The following BAG3 variants were observed in gnomAD, a reference collection of about 807,000 sequenced individuals.
BAG3 encodes BAG family molecular chaperone regulator 3.
A neutral mutation model predicts 40.5 loss-of-function variants in BAG3; 14 were observed. The ratio of observed to expected loss-of-function variants is 0.35; its 90% confidence interval spans 0.23 to 0.54. The LOEUF is 0.54. Among genes scored for constraint, BAG3 ranks in the 20% least tolerant of loss-of-function variants. The pLI, the probability that BAG3 is intolerant of heterozygous loss-of-function variation, is 0.91. For missense variants in BAG3, 788 were observed against 758.6 expected (o/e 1.04, Z -0.46); for synonymous variants, 302 against 307.8 (o/e 0.98, Z 0.20).
chr10:119,672,737 C>G lies in BAG3; in HGVS notation c.909+81C>G. Reference sequence around the variant, plus strand: ...AGGAGCTCTGTGGGTGCCCTGGGTTCCCCCTTCATCCCTGCCTATTTAACA... The same window carrying G: ...AGGAGCTCTGTGGGTGCCCTGGGTTGCCCCTTCATCCCTGCCTATTTAACA... On this transcript the variant is annotated intron_variant, in intron 3 of 3. Transcript: ENST00000369085. This position sits in a 1 kb window ranked among gnomAD's most constrained non-coding sequence, Gnocchi z 4.8. 6.3e-7 allele frequency: 1 copy of G among 1,578,168 alleles called. No individual in the cohort carries two copies. Among genetic ancestry groups the G allele is most frequent in the Non-Finnish European group, 8.6e-7 (1 of 1,161,660 alleles).
At position 119,674,225 on chromosome 10, in the gene BAG3, G is replaced by A. The variant is rs570068362; in HGVS notation, c.909+1569G>A. Among the ~76,000 whole-genome samples, 3 of 152,332 alleles carry A rather than the reference G, an allele frequency of 2.0e-5. No individual in the cohort carries two copies. The South Asian group carries it at 6.2e-4, about 32-fold the overall frequency. On this transcript the variant is annotated intron_variant, in intron 3 of 3. Transcript: ENST00000369085. ...CAGCCATTGCTGTTAGAACCTAGGA[G>A]GGGTGCGTGGTTGGGTTGTGAGTGG...
chr10:119,674,247 G>A (rs951753690), intron 3 of BAG3, among the ~76,000 whole-genome samples: 2 of 152,226 alleles, frequency 1.3e-5, no homozygotes, highest in Non-Finnish European at 2.9e-5. Context: ...TGGGTTGTGA[G>A]TGGTAAGGGC....
At chr10:119,675,898 TTCCC>T (rs1295460283) in intron 3 of BAG3, among the ~76,000 whole-genome samples, 1 of 20,792 alleles carries the variant, frequency 4.8e-5, no homozygotes, top group South Asian at 3.1e-3. Context: ...CCTTCCTTCC[TTCCC>T]CCCTTCCTTC....
At chr10:119,653,907 C>T (rs1482019101) in intron 1 of BAG3, among the ~76,000 whole-genome samples, 1 of 152,080 alleles carries the variant, frequency 6.6e-6, no homozygotes, top group African/African-American at 2.4e-5. Flanking sequence ...ATTTTTGTGC[C>T]CTCCTGGCCA....
rs1236458643 is a variant in BAG3, at chr10:119,677,357, C to CTT, written c.*77_*78dup. ...TTTTAAGTTGCATGCATTTCAGAGA[C>CTT]TTTAAGTCAGTTGGTTTTTATTAGC... On this transcript the variant is annotated 3_prime_UTR_variant, in exon 4 of 4. Coordinates refer to ENST00000369085, the MANE Select transcript of BAG3 (RefSeq NM_004281.4). The CTT allele has an allele frequency of 1.1e-5, 17 of 1,583,742 alleles. No individual in the cohort carries two copies. The highest frequency in any genetic ancestry group is 1.5e-5 in the Non-Finnish European group (17 of 1,160,000).
chr10:119,657,007 G>A lies in BAG3; in HGVS notation c.180+5152G>A, dbSNP rs567331545. Reference sequence around the variant, plus strand: ...GGTGACAGACAGACTTGCCTTTAGCGGGCCTGGCTGCTTTATACTCCCCAG... The same window carrying A: ...GGTGACAGACAGACTTGCCTTTAGCAGGCCTGGCTGCTTTATACTCCCCAG... On this transcript the variant is annotated intron_variant, in intron 1 of 3. Transcript: ENST00000369085. Among the ~76,000 whole-genome samples, 10 of 152,136 alleles carry A rather than the reference G, an allele frequency of 6.6e-5. No homozygotes were observed. In the South Asian group the frequency reaches 1.9e-3, roughly 28 times the overall value.
At chr10:119,670,508 T>C (rs1387865368) in intron 2 of BAG3, among the ~76,000 whole-genome samples, 1 of 152,246 alleles carries the variant, frequency 6.6e-6, no homozygotes, top group Non-Finnish European at 1.5e-5. Context: ...ACCGGAAGCC[T>C]GGCCTGCCTT....
chr10:119,653,601 C>T (rs1483899173), intron 1 of BAG3, among the ~76,000 whole-genome samples: 1 of 152,208 alleles, frequency 6.6e-6, no homozygotes, highest in East Asian at 1.9e-4. Flanking sequence ...TACCATTATT[C>T]TTGTCAGCAA....
chr10:119,655,483 G>A (rs1463093166), intron 1 of BAG3, among the ~76,000 whole-genome samples: 1 of 152,208 alleles, frequency 6.6e-6, no homozygotes. Context: ...TTGAAGTAGA[G>A]AGACCCATTT....
intron 1 of BAG3, among the ~76,000 whole-genome samples, chr10:119,658,445 A>G (rs196343): frequency 0.75 from 114,670 of 152,158 alleles, 43,514 homozygotes; most frequent in Non-Finnish European, 0.78. Flanking sequence ...ACTCTCGTGT[A>G]CCCTGCCTGG....
intron 3 of BAG3, among the ~76,000 whole-genome samples, chr10:119,673,114 C>T (rs1370302844): frequency 2.6e-5 from 4 of 152,112 alleles, no homozygotes; most frequent in South Asian, 2.1e-4. Context: ...ATGCTGAACC[C>T]GCTCCCTGAA....
At chr10:119,662,515 T>C (rs996574010) in intron 1 of BAG3, among the ~76,000 whole-genome samples, 5 of 152,060 alleles carry the variant, frequency 3.3e-5, no homozygotes, top group Non-Finnish European at 7.4e-5. Flanking sequence ...GTTTTAGAAG[T>C]TTTGAAGTGT....
chr10:119,667,136 C>T (rs1847078681), intron 1 of BAG3, among the ~76,000 whole-genome samples: 1 of 152,118 alleles, frequency 6.6e-6, no homozygotes, highest in South Asian at 2.1e-4. Context: ...CCCACCATGC[C>T]CAGCTAATCT....
Position 119,651,738 on chromosome 10 carries a change from T to C in BAG3, c.63T>C (p.Pro21=). The change falls in exon 1 of 4, where the codon CCT becomes CCC. Residue 21 remains proline (P), a synonymous_variant. Coordinates refer to ENST00000369085, the MANE Select transcript of BAG3 (RefSeq NM_004281.4). ...QVASGNGDRD[P]LPPGWEIKID... is the part of the protein sequence containing the mutation. ...CGTCCGGCAACGGTGACCGCGACCC[T>C]TTGCCCCCCGGATGGGAGATCAAGA... 6.3e-7 allele frequency: 1 copy of C among 1,599,040 alleles called. No individual in the cohort carries two copies. The highest frequency in any genetic ancestry group is 2.3e-5 in the East Asian group (1 of 43,642).
At chr10:119,665,093 TGTGTGTG>T (rs1292247445) in intron 1 of BAG3, among the ~76,000 whole-genome samples, 10 of 15,186 alleles carry the variant, frequency 6.6e-4, no homozygotes, top group Admixed American at 4.7e-3. Context: ...AATTTTTGTT[TGTGTGTG>T]TGTGTGTGTG....
At chr10:119,658,085 C>G (rs1174511486) in intron 1 of BAG3, among the ~76,000 whole-genome samples, 3 of 152,242 alleles carry the variant, frequency 2.0e-5, no homozygotes, top group Non-Finnish European at 4.4e-5. Flanking sequence ...AATTGGAGAA[C>G]AAACGTTTGC....
chr10:119,667,385 T>C (rs1410025327), intron 1 of BAG3, among the ~76,000 whole-genome samples: 1 of 152,206 alleles, frequency 6.6e-6, no homozygotes, highest in Non-Finnish European at 1.5e-5. Flanking sequence ...GCATCCCTCT[T>C]GATATGCCCT....
rs1285168116 is a variant in BAG3, at chr10:119,677,666, C to T, written c.*384C>T. On this transcript the variant is annotated 3_prime_UTR_variant, in exon 4 of 4. Transcript: ENST00000369085. ...TATGAAACATTTATCAGAAATGTTG[C>T]CATTTTAATGAGATGATTTTCTTCA... The T allele has an allele frequency of 3.8e-6, 1 of 259,884 alleles. No individual in the cohort carries two copies. Among genetic ancestry groups the T allele is most frequent in the East Asian group, 8.4e-5 (1 of 11,878 alleles). 16.1% of individuals were successfully genotyped at this position (259,884 alleles called of 1,614,324 possible).
At chr10:119,661,123 G>C (rs1400135602) in intron 1 of BAG3, among the ~76,000 whole-genome samples, 1 of 152,114 alleles carries the variant, frequency 6.6e-6, no homozygotes, top group Non-Finnish European at 1.5e-5. Context: ...AGCTGGGCGT[G>C]GTGGCAGGTG....
Sources: gnomAD v4.1 joint callset for allele counts (sites outside exome capture counted in the v4.1 genomes callset) on GRCh38, gnomAD v4.1.1 for gene constraint, Gnocchi (gnomAD v3.1) non-coding constraint, MANE v1.5 for transcripts, NCBI Gene and HGNC (gene_info 2026-07-23, HGNC 2026-07-21) for gene names.